The following DPP6 variants were observed in gnomAD, a reference collection of about 807,000 sequenced individuals.
The protein encoded by DPP6 is dipeptidyl peptidase like 6.
Under a neutral mutation model 122.6 loss-of-function variants are expected in DPP6, and 69 were observed. That is an observed-to-expected ratio of 0.56 (90% CI 0.46 to 0.69). DPP6 has a LOEUF of 0.69. DPP6 is among the 30% of genes least tolerant of loss of function. The pLI, the probability that DPP6 is intolerant of heterozygous loss-of-function variation, is 0.00. For missense variants in DPP6, 928 were observed against 1,116.9 expected (o/e 0.83, Z 2.41); for synonymous variants, 418 against 433.1 (o/e 0.97, Z 0.43).
At chr7:154,027,358 A>G (rs1168183267) in intron 1 of DPP6, among the ~76,000 whole-genome samples, 15 of 152,146 alleles carry the variant, frequency 9.9e-5, no homozygotes, top group Admixed American at 9.2e-4. Flanking sequence ...TATTATAGCC[A>G]TCACTTTCTA....
At chr7:154,803,081 C>A (rs987244439) in intron 13 of DPP6, among the ~76,000 whole-genome samples, 4 of 152,108 alleles carry the variant, frequency 2.6e-5, no homozygotes, top group African/African-American at 9.7e-5. Context: ...ACGCTGTCTG[C>A]GCCCCCAGGC....
At chr7:153,851,861 AG>A in the DPP6 span, among the ~76,000 whole-genome samples, 1 of 152,170 alleles carries the variant, frequency 6.6e-6, no homozygotes, top group Non-Finnish European at 1.5e-5. Flanking sequence ...GGAATTCCAA[AG>A]GGTAATTTCA....
At chr7:154,441,794 C>G (rs1005814419) in intron 1 of DPP6, among the ~76,000 whole-genome samples, 13 of 152,070 alleles carry the variant, frequency 8.5e-5, no homozygotes, top group African/African-American at 3.1e-4. Context: ...GTTTCTTGCA[C>G]TCGAGATACA....
intron 1 of DPP6, among the ~76,000 whole-genome samples, chr7:154,064,890 C>T: frequency 6.6e-6 from 1 of 152,178 alleles, no homozygotes; most frequent in Non-Finnish European, 1.5e-5. Flanking sequence ...CAGACAGGAA[C>T]AGGACTGGCC....
At chr7:153,884,832 T>C (rs1798847629), upstream of DPP6, among the ~76,000 whole-genome samples, 1 of 151,316 alleles carries the variant, frequency 6.6e-6, no homozygotes. Flanking sequence ...ATACAAAAAT[T>C]AGCTGGGCGT....
At chr7:154,649,452 C>A (rs1488499692) in intron 6 of DPP6, among the ~76,000 whole-genome samples, 1 of 152,162 alleles carries the variant, frequency 6.6e-6, no homozygotes, top group African/African-American at 2.4e-5. Flanking sequence ...TTCTAAAGTG[C>A]CCAACTGTCT....
chr7:154,260,496 T>G (rs754734262), intron 1 of DPP6, among the ~76,000 whole-genome samples: 3 of 151,904 alleles, frequency 2.0e-5, no homozygotes, highest in Non-Finnish European at 2.9e-5. Flanking sequence ...TGTGTCATTC[T>G]TATGCCTTTG....
At chr7:154,287,877 C>T (rs907314732) in intron 1 of DPP6, among the ~76,000 whole-genome samples, 3 of 152,178 alleles carry the variant, frequency 2.0e-5, no homozygotes, top group African/African-American at 7.2e-5. Flanking sequence ...CGGGATGATA[C>T]TAGAGGCGAT....
intron 1 of DPP6, among the ~76,000 whole-genome samples, chr7:154,017,708 T>TAA (rs945886454): frequency 9.4e-5 from 5 of 52,964 alleles, no homozygotes; most frequent in African/African-American, 3.9e-4. Context: ...CTAAAAAAAA[T>TAA]AAAAAAAAAA....
chr7:154,028,241 A>G (rs762482740), intron 1 of DPP6, among the ~76,000 whole-genome samples: 1 of 151,986 alleles, frequency 6.6e-6, no homozygotes. Context: ...AATTCCCCCG[A>G]ATACACCCTA....
chr7:153,900,599 G>A (rs748094813), intron 1 of DPP6, among the ~76,000 whole-genome samples: 2 of 152,072 alleles, frequency 1.3e-5, no homozygotes, highest in Non-Finnish European at 2.9e-5. Context: ...ATGAGTAACG[G>A]GATGACTAAC....
At chr7:154,737,503 T>C (rs187560679) in intron 8 of DPP6, among the ~76,000 whole-genome samples, 1 of 152,350 alleles carries the variant, frequency 6.6e-6, no homozygotes, top group African/African-American at 2.4e-5. Flanking sequence ...TTTTTTTCTT[T>C]AATATTTTTG....
At chr7:153,790,016 ATAATT>A in the DPP6 span, among the ~76,000 whole-genome samples, 76 of 152,256 alleles carry the variant, frequency 5.0e-4, 1 homozygote, top group East Asian at 0.014. Flanking sequence ...AAATGAATAA[ATAATT>A]TAAGTAACTA....
At chr7:153,964,442 C>T (rs2129029663) in intron 1 of DPP6, among the ~76,000 whole-genome samples, 1 of 152,238 alleles carries the variant, frequency 6.6e-6, no homozygotes, top group South Asian at 2.1e-4. Flanking sequence ...TTCATGTCTC[C>T]TAGCAGCACT....
At chr7:154,077,682 T>A (rs866488072) in intron 1 of DPP6, among the ~76,000 whole-genome samples, 4 of 150,992 alleles carry the variant, frequency 2.6e-5, no homozygotes, top group African/African-American at 7.2e-5. Context: ...TATTATTTTT[T>A]TTTTTTTGAG....
At chr7:154,107,156 T>G (rs553336702) in intron 1 of DPP6, among the ~76,000 whole-genome samples, 1 of 152,196 alleles carries the variant, frequency 6.6e-6, no homozygotes, top group Non-Finnish European at 1.5e-5. Flanking sequence ...GCAGCACTGT[T>G]CTGGATGGCC....
At chr7:154,242,617 C>T (rs1801696491) in intron 1 of DPP6, among the ~76,000 whole-genome samples, 1 of 152,216 alleles carries the variant, frequency 6.6e-6, no homozygotes, top group African/African-American at 2.4e-5. Flanking sequence ...AGAGGTGAGG[C>T]TCAGTTTGCC....
rs572064345 is a variant in DPP6, at chr7:154,251,170, T to C, written c.244-195044T>C. 6.2e-4 allele frequency among the ~76,000 whole-genome samples: 95 copies of C among 152,330 alleles called. 1 individual carries two copies. Among genetic ancestry groups the C allele is most frequent in the African/African-American group, 2.0e-3 (85 of 41,574 alleles). ...ACGATCAAGAATAATTAGAGACTTA[T>C]AGCAGCCTGGGAGAAAGTTATCAAA... On this transcript the variant is annotated intron_variant, in intron 1 of 25. Coordinates refer to ENST00000377770, the MANE Select transcript of DPP6 (RefSeq NM_130797.4).
intron 1 of DPP6, among the ~76,000 whole-genome samples, chr7:154,381,443 G>A (rs141133625): frequency 3.3e-5 from 5 of 152,324 alleles, no homozygotes; most frequent in African/African-American, 7.2e-5. Flanking sequence ...GGGTCTGTGT[G>A]TACATATCGG....
Sources: gnomAD v4.1 joint callset for allele counts (sites outside exome capture counted in the v4.1 genomes callset) on GRCh38, gnomAD v4.1.1 for gene constraint, MANE v1.5 for transcripts, NCBI Gene and HGNC (gene_info 2026-07-23, HGNC 2026-07-21) for gene names.